Variants in CNTN4 observed in about 807,000 individuals in gnomAD.
The protein encoded by CNTN4 is contactin 4.
CNTN4 carries 77 observed loss-of-function variants against 122.5 expected under a neutral mutation model. The observed-to-expected ratio is 0.63, with a 90% confidence interval of 0.52 to 0.76. The LOEUF (loss-of-function observed/expected upper bound fraction) is 0.76. Among genes scored for constraint, CNTN4 ranks in the 30% least tolerant of loss-of-function variants. The pLI is 0.00. For missense variants in CNTN4, 1,256 were observed against 1,259.1 expected (o/e 1.00, Z 0.04); for synonymous variants, 512 against 447.0 (o/e 1.15, Z -1.83).
At chr3:2,311,961 G>T (rs1049869776) in intron 2 of CNTN4, among the ~76,000 whole-genome samples, 1 of 151,956 alleles carries the variant, frequency 6.6e-6, no homozygotes, top group Non-Finnish European at 1.5e-5. Context: ...CTGACATATT[G>T]TAAGCACGTA....
chr3:2,341,903 C>CA lies in CNTN4; in HGVS notation c.-89+2671dup, dbSNP rs751021925. 7.4e-4 allele frequency among the ~76,000 whole-genome samples: 112 copies of CA among 152,222 alleles called. 1 individual carries two copies. In the Middle Eastern group the frequency reaches 0.031, roughly 42 times the overall value. ...GCTTAGCTGAACAATAGCAGCCTTCCAGTGCCCTCTCCAGTTCGTCACACC... is the reference window on the plus strand; with the variant it reads ...GCTTAGCTGAACAATAGCAGCCTTCCAAGTGCCCTCTCCAGTTCGTCACACC... On this transcript the variant is annotated intron_variant, in intron 3 of 24. Coordinates refer to ENST00000418658, the MANE Select transcript of CNTN4 (RefSeq NM_175607.3).
At chr3:3,021,405 C>A (rs933394283) in intron 14 of CNTN4, among the ~76,000 whole-genome samples, 1 of 152,170 alleles carries the variant, frequency 6.6e-6, no homozygotes, top group Non-Finnish European at 1.5e-5. Flanking sequence ...AAAAATAATT[C>A]TCTGACCAGT....
At chr3:2,656,066 G>A (rs1258815239) in intron 4 of CNTN4, among the ~76,000 whole-genome samples, 1 of 152,194 alleles carries the variant, frequency 6.6e-6, no homozygotes, top group Non-Finnish European at 1.5e-5. Context: ...TGTCCTCGAG[G>A]CATTAGAATT....
chr3:2,648,964 C>A (rs1203216622), intron 4 of CNTN4, among the ~76,000 whole-genome samples: 1 of 152,138 alleles, frequency 6.6e-6, no homozygotes, highest in African/African-American at 2.4e-5. Flanking sequence ...AAGATCACAC[C>A]AGCCGCAACA....
chr3:2,114,008 A>G (rs529127999), intron 2 of CNTN4, among the ~76,000 whole-genome samples: 4 of 152,346 alleles, frequency 2.6e-5, no homozygotes, highest in African/African-American at 9.6e-5. Flanking sequence ...TTGTGCTTTC[A>G]AAGAGCTTTT....
chr3:2,890,270 C>T (rs1265717028), intron 10 of CNTN4, among the ~76,000 whole-genome samples: 2 of 152,196 alleles, frequency 1.3e-5, no homozygotes, highest in African/African-American at 4.8e-5. Flanking sequence ...ATCTTTTTTC[C>T]TCTCACTTTT....
intron 13 of CNTN4, among the ~76,000 whole-genome samples, chr3:2,947,608 T>C (rs2094693035): frequency 6.6e-6 from 1 of 152,230 alleles, no homozygotes; most frequent in South Asian, 2.1e-4. Context: ...AATCTACTCT[T>C]GTTATTTTTT....
intron 3 of CNTN4, among the ~76,000 whole-genome samples, chr3:2,501,175 C>T (rs2076584664): frequency 6.6e-6 from 1 of 151,804 alleles, no homozygotes; most frequent in South Asian, 2.1e-4. Context: ...TAGACATGTC[C>T]CTATATAGAA....
At chr3:2,169,650 G>A (rs1463321001) in intron 2 of CNTN4, among the ~76,000 whole-genome samples, 1 of 151,926 alleles carries the variant, frequency 6.6e-6, no homozygotes, top group Non-Finnish European at 1.5e-5. Context: ...ACCCGCCTCC[G>A]CCTCCCAAAG....
intron 14 of CNTN4, among the ~76,000 whole-genome samples, chr3:3,024,175 G>T (rs1698521027): frequency 6.6e-6 from 1 of 152,070 alleles, no homozygotes; most frequent in African/African-American, 2.4e-5. Context: ...TGCAGAATCA[G>T]TGGGCAGCTG....
At chr3:2,801,707 G>C (rs2092351708) in intron 6 of CNTN4, among the ~76,000 whole-genome samples, 1 of 150,528 alleles carries the variant, frequency 6.6e-6, no homozygotes, top group African/African-American at 2.5e-5. Context: ...CAGTGAGGTA[G>C]GTTTTGGGAG....
chr3:2,620,291 C>A (rs368697258), intron 4 of CNTN4, among the ~76,000 whole-genome samples: 2 of 152,014 alleles, frequency 1.3e-5, no homozygotes, highest in African/African-American at 2.4e-5. Context: ...CCTGAGCACA[C>A]GAGTTCAAGA....
At chr3:2,820,800 C>T (rs2092847059) in intron 7 of CNTN4, among the ~76,000 whole-genome samples, 1 of 151,742 alleles carries the variant, frequency 6.6e-6, no homozygotes, top group African/African-American at 2.4e-5. Flanking sequence ...ATCACAGGAT[C>T]AGACCAAGAA....
intron 2 of CNTN4, among the ~76,000 whole-genome samples, chr3:2,294,721 C>T (rs894667506): frequency 1.3e-5 from 2 of 152,126 alleles, no homozygotes; most frequent in African/African-American, 4.8e-5. Context: ...TACATGTGCA[C>T]AACGTGCAGG....
chr3:2,498,797 CTT>C (rs1456524462), intron 3 of CNTN4, among the ~76,000 whole-genome samples: 3 of 147,254 alleles, frequency 2.0e-5, no homozygotes, highest in Admixed American at 6.8e-5. Context: ...ATTGATGGTG[CTT>C]TTTTTTTTGA....
At chr3:2,729,781 G>C (rs2088540098) in intron 4 of CNTN4, among the ~76,000 whole-genome samples, 1 of 151,746 alleles carries the variant, frequency 6.6e-6, no homozygotes, top group African/African-American at 2.4e-5. Context: ...AGGTGTGTTG[G>C]CACGCGCCTG....
chr3:2,671,794 G>T (rs894155499), intron 4 of CNTN4, among the ~76,000 whole-genome samples: 2 of 152,168 alleles, frequency 1.3e-5, no homozygotes, highest in Non-Finnish European at 2.9e-5. Flanking sequence ...TGTCCTTTCT[G>T]TTTGTTAGTT....
intron 3 of CNTN4, among the ~76,000 whole-genome samples, chr3:2,417,261 C>T (rs1455074912): frequency 6.6e-6 from 1 of 152,224 alleles, no homozygotes; most frequent in Non-Finnish European, 1.5e-5. Flanking sequence ...TGGACTGTAT[C>T]ATCGTAGACA....
chr3:2,706,355 A>C (rs11919460), intron 4 of CNTN4, among the ~76,000 whole-genome samples: 15,290 of 152,124 alleles, frequency 0.1, 1,573 homozygotes, highest in African/African-American at 0.26. Context: ...GCATGATTAC[A>C]TAAGGAAAAA....
Sources: allele counts gnomAD v4.1 joint callset (sites outside exome capture counted in the v4.1 genomes callset), GRCh38; gene constraint gnomAD v4.1.1; transcripts MANE v1.5; gene names NCBI Gene and HGNC (gene_info 2026-07-23, HGNC 2026-07-21).